KCNH7: variants seen among roughly 807,000 people sequenced by gnomAD.
The protein encoded by KCNH7 is voltage-gated inwardly rectifying potassium channel KCNH7.
In KCNH7, 49 loss-of-function variants were observed where a neutral mutation model predicts 120.8. The ratio of observed to expected loss-of-function variants is 0.41; its 90% CI spans 0.32 to 0.51. KCNH7 has a LOEUF of 0.51. Ranked by LOEUF, KCNH7 falls within the 20% of genes least tolerant of loss-of-function variation. The probability of loss-of-function intolerance (pLI) is 0.38; values close to 1 mark genes in which losing one functional copy is unlikely to be tolerated. For synonymous variants in KCNH7, 547 were observed against 516.1 expected, an observed-to-expected ratio of 1.06 and a Z score of -0.81; for missense variants, 1,097 against 1,446.6, an observed-to-expected ratio of 0.76 and a Z score of 3.92.
rs561363583 is a variant in KCNH7, at chr2:162,393,984, C to G, written c.2710+405G>C. 2.0e-5 allele frequency among the ~76,000 whole-genome samples: 3 copies of G among 152,074 alleles called. No individual in the cohort carries two copies. In the East Asian group the frequency reaches 5.8e-4, roughly 30 times the overall value. ...AGAAAACAAGAAGTGACAAGTGCCA[C>G]AGAATCTGAGGATGAGAAGGACTAA... is the stretch of plus-strand genomic sequence containing the variant. On this transcript the variant is annotated intron_variant, in intron 12 of 15. Coordinates refer to ENST00000332142, the MANE Select transcript of KCNH7 (RefSeq NM_033272.4).
chr2:162,532,564 T>G (rs898300546), intron 3 of KCNH7, among the ~76,000 whole-genome samples: 38 of 151,952 alleles, frequency 2.5e-4, no homozygotes, highest in African/African-American at 8.9e-4. Context: ...CATATCTACC[T>G]AGGCTGTCCT....
At chr2:162,552,607 G>C (rs1692708328) in intron 2 of KCNH7, among the ~76,000 whole-genome samples, 1 of 152,184 alleles carries the variant, frequency 6.6e-6, no homozygotes, top group Admixed American at 6.5e-5. Flanking sequence ...CTTTAAGAAA[G>C]GGAGATTATC....
intron 3 of KCNH7, among the ~76,000 whole-genome samples, chr2:162,526,778 C>T (rs924902501): frequency 3.3e-5 from 5 of 151,990 alleles, no homozygotes; most frequent in Non-Finnish European, 5.9e-5. Flanking sequence ...ATCACAGCGT[C>T]CTAAGCGGAC....
intron 2 of KCNH7, among the ~76,000 whole-genome samples, chr2:162,810,827 C>A (rs935385818): frequency 1.2e-4 from 18 of 152,048 alleles, no homozygotes; most frequent in Non-Finnish European, 2.6e-4. Flanking sequence ...GCCTCTAAAA[C>A]TTAGTGTCCT....
rs554423881 is a variant in KCNH7, at chr2:162,414,397, A to G, written c.2154+8939T>C. 4.3e-4 allele frequency among the ~76,000 whole-genome samples: 65 copies of G among 151,578 alleles called. 1 individual carries two copies. Among genetic ancestry groups the G allele is most frequent in the African/African-American group, 1.5e-3 (61 of 41,450 alleles). On this transcript the variant is annotated intron_variant, in intron 9 of 15. Transcript: ENST00000332142. ...TGAAGCCATTAATACAAGAGAAGAA[A>G]CCATTAGTATAAGTATAATATGTAG...
intron 2 of KCNH7, among the ~76,000 whole-genome samples, chr2:162,630,715 T>C (rs1456910968): frequency 6.6e-6 from 1 of 152,114 alleles, no homozygotes; most frequent in African/African-American, 2.4e-5. Flanking sequence ...ATTAATGTAG[T>C]GCATTAAATA....
chr2:162,412,010 A>G (rs1023898942), intron 9 of KCNH7, among the ~76,000 whole-genome samples: 33 of 152,142 alleles, frequency 2.2e-4, no homozygotes, highest in Admixed American at 7.2e-4. Context: ...AATGAGGTCA[A>G]ATTGAACCAA....
intron 2 of KCNH7, among the ~76,000 whole-genome samples, chr2:162,573,898 T>C (rs1052262178): frequency 6.6e-6 from 1 of 152,010 alleles, no homozygotes; most frequent in Non-Finnish European, 1.5e-5. Flanking sequence ...TTGTGGCATA[T>C]AGTTACCAGG....
At chr2:162,375,358 A>G (rs931780743) in intron 14 of KCNH7, among the ~76,000 whole-genome samples, 6 of 152,216 alleles carry the variant, frequency 3.9e-5, no homozygotes, top group African/African-American at 1.4e-4. Context: ...TTTGCCAAAC[A>G]GCAGCTGTCT....
rs76167108 is a variant in KCNH7, at chr2:162,425,123, A to G, written c.1955-1588T>C. On this transcript the variant is annotated intron_variant, in intron 8 of 15. Coordinates refer to ENST00000332142, the MANE Select transcript of KCNH7 (RefSeq NM_033272.4). The stretch of plus-strand genomic sequence containing the variant: ...CTGAGCAGGAATATCAGTCTACTCC[A>G]GCCTTTGGACTTGCGCTCCGACTCA... 5.3e-4 allele frequency among the ~76,000 whole-genome samples: 81 copies of G among 152,228 alleles called. 1 individual carries two copies. In the East Asian group the frequency reaches 0.014, roughly 25 times the overall value.
At chr2:162,666,842 G>A (rs1230963582) in intron 2 of KCNH7, among the ~76,000 whole-genome samples, 4 of 152,008 alleles carry the variant, frequency 2.6e-5, no homozygotes, top group Non-Finnish European at 5.9e-5. Context: ...TGGCCTTTTA[G>A]TTCCTCTGGT....
At chr2:162,787,476 C>T (rs1683754436) in intron 2 of KCNH7, among the ~76,000 whole-genome samples, 1 of 152,150 alleles carries the variant, frequency 6.6e-6, no homozygotes. Flanking sequence ...GAGCACCAGG[C>T]TGGCATCCAC....
intron 12 of KCNH7, among the ~76,000 whole-genome samples, chr2:162,392,470 AAAG>A (rs1573906424): frequency 6.6e-6 from 1 of 152,004 alleles, no homozygotes; most frequent in African/African-American, 2.4e-5. Flanking sequence ...ATTGAGGAGA[AAAG>A]AGAGTGAAAA....
intron 2 of KCNH7, among the ~76,000 whole-genome samples, chr2:162,571,121 T>C (rs10203936): frequency 0.63 from 95,069 of 150,350 alleles, 31,587 homozygotes; most frequent in African/African-American, 0.84. Context: ...TGTTTGCAGA[T>C]GACATGATTG....
At chr2:162,533,364 G>C (rs1393087792) in intron 3 of KCNH7, among the ~76,000 whole-genome samples, 1 of 151,738 alleles carries the variant, frequency 6.6e-6, no homozygotes, top group African/African-American at 2.4e-5. Flanking sequence ...ATCAATTAAC[G>C]TAGAAGTATC....
chr2:162,575,999 G>A, intron 2 of KCNH7, among the ~76,000 whole-genome samples: 1 of 152,024 alleles, frequency 6.6e-6, no homozygotes, highest in South Asian at 2.1e-4. Context: ...ATACAACTTT[G>A]AGAACCACAT....
intron 6 of KCNH7, among the ~76,000 whole-genome samples, chr2:162,472,661 C>A (rs1426257514): frequency 6.6e-6 from 1 of 152,186 alleles, no homozygotes; most frequent in Non-Finnish European, 1.5e-5. Context: ...CTAGTTCAAC[C>A]ATTGTGGCAG....
chr2:162,446,414 A>G lies in KCNH7; in HGVS notation c.1158T>C (p.Pro386=). 6.2e-7 allele frequency: 1 copy of G among 1,612,098 alleles called. No individual in the cohort carries two copies. The highest frequency in any genetic ancestry group is 8.5e-7 in the Non-Finnish European group (1 of 1,178,798). Residue 386 remains proline, a synonymous_variant, in exon 7 of 16, where the codon CCT becomes CCC. Transcript: ENST00000332142. ...TGCGTGGTGTCTGCAGTTTGTATTC[A>G]GGTAGGACATCTGCTCCTAAAGAGA... ...QVLSLGADVL[P]EYKLQTPRIN... is the part of the protein sequence containing the mutation.
intron 2 of KCNH7, among the ~76,000 whole-genome samples, chr2:162,609,269 T>C (rs1389702871): frequency 6.6e-6 from 1 of 152,164 alleles, no homozygotes; most frequent in Non-Finnish European, 1.5e-5. Context: ...TTATCATAAA[T>C]GAAAAAATGG....
Sources: gnomAD v4.1 joint callset for allele counts (sites outside exome capture counted in the v4.1 genomes callset) on GRCh38, gnomAD v4.1.1 for gene constraint, MANE v1.5 for transcripts, NCBI Gene and HGNC (gene_info 2026-07-23, HGNC 2026-07-21) for gene names.